Variants in TBATA observed in about 807,000 individuals in gnomAD.
TBATA encodes the protein thymus, brain and testes associated, also known as protein TBATA.
TBATA carries 47 observed loss-of-function variants against 38.7 expected under a neutral mutation model. That is an observed-to-expected ratio of 1.21 (90% CI 0.96 to 1.55). TBATA has a LOEUF of 1.55. Among genes scored for constraint, TBATA ranks in the 40% most tolerant of loss-of-function variants. The pLI is 0.00. For missense variants in TBATA, 436 were observed against 435.6 expected (o/e 1.00, Z -0.01); for synonymous variants, 183 against 170.5 (o/e 1.07, Z -0.57).
At chr10:70,781,408 T>C (rs1589415961) in intron 4 of TBATA, among the ~76,000 whole-genome samples, 1 of 152,210 alleles carries the variant, frequency 6.6e-6, no homozygotes, top group African/African-American at 2.4e-5. Context: ...CACTGTTGTA[T>C]CCCCAAGGCC....
chr10:70,777,976 T>C, intron 6 of TBATA: 1 of 323,352 alleles, frequency 3.1e-6, no homozygotes, highest in South Asian at 2.4e-5. Flanking sequence ...GCCTGTCCAC[T>C]CTGGTTACCC....
intron 1 of TBATA, 37 bp downstream of exon 1, chr10:70,785,248 G>C (rs958439197): frequency 1.3e-5 from 2 of 152,338 alleles, no homozygotes; most frequent in Non-Finnish European, 2.9e-5. Flanking sequence ...GGGCTGTCCA[G>C]GGTCCATCTC....
At chr10:70,777,642 A>G (rs1314502731) in intron 6 of TBATA, 1 of 445,122 alleles carries the variant, frequency 2.2e-6, no homozygotes, top group Non-Finnish European at 4.2e-6. Flanking sequence ...TGCAGGGTCG[A>G]TCGCTGGATG....
chr10:70,775,918 T>C (rs1004349693), intron 7 of TBATA, among the ~76,000 whole-genome samples: 3 of 152,224 alleles, frequency 2.0e-5, no homozygotes, highest in Non-Finnish European at 2.9e-5. Flanking sequence ...CTTTGACATC[T>C]TTGCTACTTC....
At chr10:70,780,346 A>G (rs1013581311) in intron 4 of TBATA, among the ~76,000 whole-genome samples, 1 of 152,034 alleles carries the variant, frequency 6.6e-6, no homozygotes, top group Non-Finnish European at 1.5e-5. Flanking sequence ...TCGGCCTGGC[A>G]AGGACCTAGC....
rs934752224 is a variant in TBATA, at chr10:70,775,817, G to C, written c.694-547C>G. Among the ~76,000 whole-genome samples, 14 of 152,334 alleles carry C rather than the reference G, an allele frequency of 9.2e-5. No individual in the cohort carries two copies. In the South Asian group the frequency reaches 2.9e-3, roughly 32 times the overall value. On this transcript the variant is annotated intron_variant, in intron 7 of 10. Transcript: ENST00000456372. Reference sequence around the variant, plus strand: ...GGAAGCCCAGAGGGCAGCCTGAGGCGGGGCAGCACAGGCCGGTTCTGCAAA... The same window carrying C: ...GGAAGCCCAGAGGGCAGCCTGAGGCCGGGCAGCACAGGCCGGTTCTGCAAA...
intron 4 of TBATA, among the ~76,000 whole-genome samples, chr10:70,779,947 G>A (rs4746066): frequency 0.29 from 44,748 of 151,992 alleles, 6,677 homozygotes; most frequent in Middle Eastern, 0.36. Flanking sequence ...GAATGGACAG[G>A]GGAAAGGCCC....
chr10:70,774,690 G>A (rs1187550643), intron 8 of TBATA, among the ~76,000 whole-genome samples: 2 of 152,104 alleles, frequency 1.3e-5, no homozygotes, highest in African/African-American at 2.4e-5. Flanking sequence ...CTCCTGTCCA[G>A]GAAGTCTTCT....
intron 4 of TBATA, among the ~76,000 whole-genome samples, chr10:70,780,431 TCTC>T (rs1844048020): frequency 6.6e-6 from 1 of 151,872 alleles, no homozygotes; most frequent in African/African-American, 2.4e-5. Context: ...GCTCCCTACC[TCTC>T]CTCATCTCCT....
At chr10:70,777,769 C>A in intron 6 of TBATA, 1 of 442,882 alleles carries the variant, frequency 2.3e-6, no homozygotes. Flanking sequence ...TACCTTAATT[C>A]CCAGCTCAGC....
In TBATA at chr10:70,775,276, G is replaced by C. The variant is rs1411990665; in HGVS notation, c.694-6C>G. On this transcript the variant is annotated splice_polypyrimidine_tract_variant and splice_region_variant and intron_variant, in intron 7 of 10. Transcript: ENST00000456372. The stretch of plus-strand genomic sequence containing the variant: ...CGACACAGGAGCTCCAGGACCTGTG[G>C]GCAGGAGGCCAGCACATTCCAGCCA... 1.2e-6 allele frequency: 2 copies of C among 1,613,074 alleles called. No homozygotes were observed. Among genetic ancestry groups the C allele is most frequent in the Non-Finnish European group, 1.7e-6 (2 of 1,179,072 alleles).
At chr10:70,776,335 C>T (rs746449318) in intron 7 of TBATA, 10 of 456,340 alleles carry the variant, frequency 2.2e-5, no homozygotes, top group South Asian at 1.5e-4. Context: ...CTGCCTTGTG[C>T]CCCCTCCCCA....
intron 7 of TBATA, chr10:70,776,332 G>A (rs1843395929): frequency 2.2e-6 from 1 of 456,226 alleles, no homozygotes; most frequent in Non-Finnish European, 4.4e-6. Context: ...TACCTGCCTT[G>A]TGCCCCCTCC....
intron 5 of TBATA, among the ~76,000 whole-genome samples, chr10:70,779,282 A>G (rs529412113): frequency 1.3e-5 from 2 of 152,304 alleles, no homozygotes; most frequent in South Asian, 2.1e-4. Flanking sequence ...AATATTCCCT[A>G]TAGCATTCTG....
chr10:70,778,247 G>A (rs1480591979), intron 6 of TBATA, among the ~76,000 whole-genome samples: 1 of 152,034 alleles, frequency 6.6e-6, no homozygotes, highest in African/African-American at 2.4e-5. Flanking sequence ...CCTGGTTTCT[G>A]ATGGTGCCCT....
intron 3 of TBATA, 69 bp from the exon 4 acceptor site, chr10:70,782,105 C>G: frequency 6.6e-7 from 1 of 1,515,728 alleles, no homozygotes; most frequent in South Asian, 1.2e-5. Context: ...GGGCTCAGAG[C>G]TCAGTGCTTG....
At chr10:70,776,668 C>T (rs372033427) in intron 7 of TBATA, among the ~76,000 whole-genome samples, 87 of 152,284 alleles carry the variant, frequency 5.7e-4, no homozygotes, top group African/African-American at 2.0e-3. Flanking sequence ...CTTCACCCAC[C>T]GGGATGAGGC....
chr10:70,781,985 G>A lies in TBATA; in HGVS notation c.93C>T (p.Ser31=). ...CTTTCTGTGGCCCACTGTCCCTGGG[G>A]CTCCTTGGCTTGCGCCCTGACTTCT... ...LEKKSGRKPR[S]PRDSGPQKEL... is the part of the protein sequence containing the mutation. Residue 31 remains serine (S), a synonymous_variant, in exon 4 of 11, where the codon AGC becomes AGT. Coordinates refer to ENST00000456372, the MANE Select transcript of TBATA (RefSeq NM_001318241.2). 2 of 1,614,250 alleles carry A rather than the reference G, an allele frequency of 1.2e-6. No individual in the cohort carries two copies. The highest frequency in any genetic ancestry group is 1.7e-6 in the Non-Finnish European group (2 of 1,180,050).
At chr10:70,781,321 C>G (rs1016167136) in intron 4 of TBATA, among the ~76,000 whole-genome samples, 4 of 152,236 alleles carry the variant, frequency 2.6e-5, no homozygotes, top group Non-Finnish European at 5.9e-5. Context: ...AGCCTGGGCA[C>G]TTGACACCTT....
Sources: gnomAD v4.1 joint callset for allele counts (sites outside exome capture counted in the v4.1 genomes callset) on GRCh38, gnomAD v4.1.1 for gene constraint, MANE v1.5 for transcripts, NCBI Gene and HGNC (gene_info 2026-07-23, HGNC 2026-07-21) for gene names.